The following DACH2 variants were observed in gnomAD, a reference collection of about 807,000 sequenced individuals.
DACH2 encodes dachshund homolog 2.
Under a neutral mutation model 35.8 loss-of-function variants are expected in DACH2, and 17 were observed. The observed-to-expected ratio is 0.48, with a 90% CI of 0.33 to 0.71. The LOEUF is 0.71. Ranked by LOEUF, DACH2 falls within the 30% of genes least tolerant of loss-of-function variation. The pLI, the probability that DACH2 is intolerant of heterozygous loss-of-function variation, is 0.02. For synonymous variants in DACH2, 195 were observed against 177.3 expected (o/e 1.10, Z -0.79); for missense variants, 469 against 472.7 (o/e 0.99, Z 0.07).
At position 86,406,043 on chromosome X, in the gene DACH2, T is replaced by A. The variant is rs560941093; in HGVS notation, c.527+29181T>A. ...GCCCAATGATTCAATTACCTCCCAC[T>A]GGGCCCCTCCCATGACACATGGGGA... On this transcript the variant is annotated intron_variant, in intron 2 of 11. Transcript: ENST00000373125. 2.2e-3 allele frequency among the ~76,000 whole-genome samples: 244 copies of A among 111,710 alleles called. 1 individual carries two copies. The highest frequency in any genetic ancestry group is 9.2e-3 in the Middle Eastern group (2 of 218).
At chrX:86,195,654 A>C (rs1407445837) in intron 1 of DACH2, among the ~76,000 whole-genome samples, 1 of 111,848 alleles carries the variant, frequency 8.9e-6, no homozygotes, top group African/African-American at 3.3e-5. Flanking sequence ...TTGTCACAAC[A>C]CTATAAAATG....
At chrX:86,688,511 G>A (rs2148439377) in intron 4 of DACH2, among the ~76,000 whole-genome samples, 1 of 111,817 alleles carries the variant, frequency 8.9e-6, no homozygotes, top group African/African-American at 3.2e-5. Flanking sequence ...AGATGATAAT[G>A]ATACTTTTAT....
chrX:86,574,062 T>C (rs1434691282), intron 3 of DACH2, among the ~76,000 whole-genome samples: 2 of 111,963 alleles, frequency 1.8e-5, no homozygotes, highest in Non-Finnish European at 3.8e-5. Context: ...GTTTAGGAAG[T>C]ATGACCTGGT....
chrX:86,827,234 A>C (rs1258758014), intron 11 of DACH2, among the ~76,000 whole-genome samples: 1 of 112,205 alleles, frequency 8.9e-6, no homozygotes, highest in Non-Finnish European at 1.9e-5. Context: ...AGGGAAGGAA[A>C]TCTCATACTG....
At chrX:86,756,973 G>C (rs2041835683) in intron 7 of DACH2, among the ~76,000 whole-genome samples, 3 of 110,531 alleles carry the variant, frequency 2.7e-5, no homozygotes, top group African/African-American at 6.6e-5. Flanking sequence ...TATTTTTTCT[G>C]CTATTGAGAT....
intron 1 of DACH2, among the ~76,000 whole-genome samples, chrX:86,286,368 G>A (rs1047755615): frequency 9.1e-6 from 1 of 110,347 alleles, no homozygotes; most frequent in Non-Finnish European, 1.9e-5. Context: ...CTGACCTCAT[G>A]ATCCACCCGC....
intron 4 of DACH2, among the ~76,000 whole-genome samples, chrX:86,657,165 G>T (rs2040552869): frequency 9.2e-6 from 1 of 108,594 alleles, no homozygotes; most frequent in South Asian, 4.0e-4. Context: ...ATAAAACCTA[G>T]TATGTGCTAG....
rs191861956 is a variant in DACH2 at position 86,619,010 on chromosome X, C to T, written c.641-32026C>T. ...TCTCATGTATTTTCTCCCATATAGT[C>T]CAGCTATTCATATCAACTTGCAATT... On this transcript the variant is annotated intron_variant, in intron 3 of 11. Transcript: ENST00000373125. 6.6e-4 allele frequency among the ~76,000 whole-genome samples: 74 copies of T among 112,009 alleles called. 1 individual carries two copies. Among genetic ancestry groups the T allele is most frequent in the African/African-American group, 2.2e-3 (69 of 30,994 alleles).
At chrX:86,569,880 TAAAC>T (rs922139356) in intron 3 of DACH2, among the ~76,000 whole-genome samples, 1 of 111,598 alleles carries the variant, frequency 9.0e-6, no homozygotes, top group African/African-American at 3.3e-5. Flanking sequence ...ACAAGGAACT[TAAAC>T]ATATTTACAA....
chrX:86,438,191 T>C (rs955989500), intron 2 of DACH2, among the ~76,000 whole-genome samples: 1 of 108,438 alleles, frequency 9.2e-6, no homozygotes, highest in Admixed American at 1.0e-4. Flanking sequence ...GCTCCATCCA[T>C]GTTTCTGCAA....
chrX:86,245,951 C>A (rs1324497066), intron 1 of DACH2, among the ~76,000 whole-genome samples: 1 of 111,329 alleles, frequency 9.0e-6, no homozygotes, highest in African/African-American at 3.3e-5. Flanking sequence ...ACAAGAGCTG[C>A]AAGACATTTT....
chrX:86,623,137 C>T (rs1286637609), intron 3 of DACH2, among the ~76,000 whole-genome samples: 2 of 112,027 alleles, frequency 1.8e-5, no homozygotes, highest in Non-Finnish European at 3.8e-5. Context: ...CTATAGCAGA[C>T]TTCACAGCCT....
chrX:86,716,971 C>CCAAATACA (rs1206151997), intron 6 of DACH2, among the ~76,000 whole-genome samples: 1 of 111,417 alleles, frequency 9.0e-6, no homozygotes, highest in Non-Finnish European at 1.9e-5. Flanking sequence ...TTATGTCCTG[C>CCAAATACA]CAAATACACA....
chrX:86,631,503 T>C (rs139211536), intron 3 of DACH2, among the ~76,000 whole-genome samples: 8 of 112,345 alleles, frequency 7.1e-5, no homozygotes, highest in African/African-American at 2.3e-4. Flanking sequence ...ACTTGACAGA[T>C]AGACTGAAAT....
At chrX:86,411,173 C>T (rs770070587) in intron 2 of DACH2, among the ~76,000 whole-genome samples, 3 of 105,152 alleles carry the variant, frequency 2.9e-5, no homozygotes, top group Admixed American at 1.1e-4. Flanking sequence ...GTCCGATGTT[C>T]GAGGGCAGGA....
rs1440512408 is a variant in DACH2, at chrX:86,148,513, G to A, written c.-108G>A. 1 of 941,851 alleles carries A rather than the reference G, an allele frequency of 1.1e-6. No individual in the cohort carries two copies. The highest frequency in any genetic ancestry group is 1.4e-6 in the Non-Finnish European group (1 of 700,023). 77.6% of individuals were successfully genotyped at this position (941,851 alleles called of 1,213,427 possible). A position where few individuals can be genotyped will look rare whatever the true frequency, so the allele number is the denominator to read the frequency against. On this transcript the variant is annotated 5_prime_UTR_variant, in exon 1 of 12. Coordinates refer to ENST00000373125, the MANE Select transcript of DACH2 (RefSeq NM_053281.3). ...GACTTGCGAACAGTTCGGAGCCAGC[G>A]AGAGCGCGCCAGAGAGAGCGAGAGT...
chrX:86,674,832 T>A (rs756757863), intron 4 of DACH2, among the ~76,000 whole-genome samples: 1 of 111,138 alleles, frequency 9.0e-6, no homozygotes, highest in East Asian at 2.8e-4. Context: ...CTTCTACTTG[T>A]ATTTGCTTTA....
At chrX:86,217,334 T>G (rs1426228380) in intron 1 of DACH2, among the ~76,000 whole-genome samples, 1 of 111,625 alleles carries the variant, frequency 9.0e-6, no homozygotes, top group Non-Finnish European at 1.9e-5. Context: ...ATCGCTGTGC[T>G]CCATTCTACT....
intron 3 of DACH2, among the ~76,000 whole-genome samples, chrX:86,625,889 A>G (rs1219457507): frequency 1.8e-5 from 2 of 111,490 alleles, no homozygotes; most frequent in Non-Finnish European, 3.8e-5. Flanking sequence ...TATGGGAGCT[A>G]CAATTCAAGA....
Sources: allele counts gnomAD v4.1 joint callset (sites outside exome capture counted in the v4.1 genomes callset), GRCh38; gene constraint gnomAD v4.1.1; transcripts MANE v1.5; gene names NCBI Gene and HGNC (gene_info 2026-07-23, HGNC 2026-07-21).